B3GALT1: variants seen among roughly 807,000 people sequenced by gnomAD.
B3GALT1 encodes beta-1,3-galactosyltransferase 1, also known as UDP-Gal:betaGlcNAc beta 1,3-galactosyltransferase, polypeptide 1.
B3GALT1 carries 10 observed loss-of-function variants against 23.2 expected under a neutral mutation model. That is an observed-to-expected ratio of 0.43 (90% CI 0.27 to 0.73). The LOEUF (loss-of-function observed/expected upper bound fraction) is 0.73, where lower values mean the gene tolerates loss of function less well. B3GALT1 is among the 30% of genes least tolerant of loss of function. B3GALT1 has a pLI of 0.21. For synonymous variants in B3GALT1, 156 were observed against 141.5 expected (o/e 1.10, Z -0.73); for missense variants, 299 against 405.4 (o/e 0.74, Z 2.25).
chr2:167,706,304 C>G (rs1457333955), intron 3 of B3GALT1, among the ~76,000 whole-genome samples: 1 of 152,124 alleles, frequency 6.6e-6, no homozygotes, highest in East Asian at 1.9e-4. Flanking sequence ...GGATGATGTA[C>G]CTTGATTAAT....
intron 1 of B3GALT1, among the ~76,000 whole-genome samples, chr2:167,415,437 C>T (rs777149713): frequency 6.6e-6 from 1 of 152,100 alleles, no homozygotes; most frequent in African/African-American, 2.4e-5. Flanking sequence ...TCATAAATTA[C>T]CCAGTTTCAA....
chr2:167,531,284 T>C (rs1683322426), intron 2 of B3GALT1, among the ~76,000 whole-genome samples: 1 of 152,108 alleles, frequency 6.6e-6, no homozygotes, highest in African/African-American at 2.4e-5. Flanking sequence ...GAGGGTGGAT[T>C]GGGGTGGAGT....
chr2:167,468,329 C>T (rs1011344682), intron 1 of B3GALT1, among the ~76,000 whole-genome samples: 3 of 151,934 alleles, frequency 2.0e-5, no homozygotes, highest in Non-Finnish European at 4.4e-5. Flanking sequence ...TACTCTTTCT[C>T]GTAACATAAA....
intron 3 of B3GALT1, among the ~76,000 whole-genome samples, chr2:167,650,748 T>A (rs1685848394): frequency 1.3e-5 from 2 of 152,128 alleles, no homozygotes; most frequent in South Asian, 4.1e-4. Context: ...TTTAGTAGCT[T>A]CTGTACTTCC....
intron 3 of B3GALT1, among the ~76,000 whole-genome samples, chr2:167,793,808 T>C (rs1481405647): frequency 2.6e-5 from 4 of 152,226 alleles, no homozygotes; most frequent in Non-Finnish European, 5.9e-5. Context: ...TGGACATTCA[T>C]TTGCCTTTTG....
chr2:167,742,230 T>C (rs1263205689), intron 3 of B3GALT1, among the ~76,000 whole-genome samples: 1 of 152,194 alleles, frequency 6.6e-6, no homozygotes, highest in African/African-American at 2.4e-5. Flanking sequence ...TCTTTATCCA[T>C]TGTAGTATGA....
intron 2 of B3GALT1, among the ~76,000 whole-genome samples, chr2:167,546,708 T>C (rs1360929816): frequency 6.6e-6 from 1 of 152,216 alleles, no homozygotes; most frequent in Non-Finnish European, 1.5e-5. Context: ...ATAAGGTTTC[T>C]GCTTAATGTG....
intron 3 of B3GALT1, among the ~76,000 whole-genome samples, chr2:167,809,642 G>A (rs1420601073): frequency 6.6e-6 from 1 of 152,188 alleles, no homozygotes; most frequent in African/African-American, 2.4e-5. Context: ...CGTTCCTCTG[G>A]AAGTTTTGTC....
intron 2 of B3GALT1, among the ~76,000 whole-genome samples, chr2:167,562,875 C>T (rs1294651652): frequency 6.6e-6 from 1 of 151,960 alleles, no homozygotes; most frequent in African/African-American, 2.4e-5. Context: ...TGCCTTCAAG[C>T]ATCTGTTTAA....
chr2:167,522,005 T>TATAC (rs1184882586), intron 2 of B3GALT1, among the ~76,000 whole-genome samples: 59 of 144,956 alleles, frequency 4.1e-4, no homozygotes, highest in African/African-American at 1.1e-3. Flanking sequence ...TATATATATA[T>TATAC]ACACATATAT....
chr2:167,337,389 C>T (rs540495274), intron 1 of B3GALT1, among the ~76,000 whole-genome samples: 43 of 152,124 alleles, frequency 2.8e-4, no homozygotes, highest in South Asian at 2.7e-3. Flanking sequence ...CACATGCACA[C>T]GCACACACAC....
At chr2:167,545,428 G>T (rs10201096) in intron 2 of B3GALT1, among the ~76,000 whole-genome samples, 50 of 152,118 alleles carry the variant, frequency 3.3e-4, no homozygotes, top group African/African-American at 1.2e-3. Context: ...CCTCTTGTGG[G>T]TTGGTGGGCC....
chr2:167,674,713 C>T (rs1030572527), intron 3 of B3GALT1, among the ~76,000 whole-genome samples: 1 of 152,070 alleles, frequency 6.6e-6, no homozygotes, highest in Non-Finnish European at 1.5e-5. Flanking sequence ...AAGTCAAAGA[C>T]ATGAAGGACC....
intron 2 of B3GALT1, among the ~76,000 whole-genome samples, chr2:167,584,972 T>G (rs1455373536): frequency 6.6e-6 from 1 of 152,150 alleles, no homozygotes; most frequent in Non-Finnish European, 1.5e-5. Flanking sequence ...CTTAACCTTT[T>G]GCCCCCCGTC....
chr2:167,670,948 A>G (rs1341956582), intron 3 of B3GALT1, among the ~76,000 whole-genome samples: 2 of 152,262 alleles, frequency 1.3e-5, no homozygotes, highest in East Asian at 3.9e-4. Flanking sequence ...AGAGGAAGAG[A>G]GAGAGAGAAA....
At chr2:167,427,271 A>G (rs1226579783) in intron 1 of B3GALT1, among the ~76,000 whole-genome samples, 1 of 152,182 alleles carries the variant, frequency 6.6e-6, no homozygotes, top group Non-Finnish European at 1.5e-5. Context: ...GGAGGTATAC[A>G]TAGGGTGAGG....
chr2:167,794,977 T>G (rs1688517417), intron 3 of B3GALT1, among the ~76,000 whole-genome samples: 1 of 152,182 alleles, frequency 6.6e-6, no homozygotes, highest in African/African-American at 2.4e-5. Context: ...AAAATACATT[T>G]CATAGCCTCA....
intron 2 of B3GALT1, among the ~76,000 whole-genome samples, chr2:167,564,327 C>G (rs1235912253): frequency 1.3e-5 from 2 of 149,572 alleles, no homozygotes; most frequent in Admixed American, 6.6e-5. Flanking sequence ...GAGGCGCTCC[C>G]CACCTCCTAG....
At chr2:167,406,327 C>T (rs904331784) in intron 1 of B3GALT1, among the ~76,000 whole-genome samples, 7 of 152,050 alleles carry the variant, frequency 4.6e-5, no homozygotes, top group African/African-American at 7.2e-5. Context: ...ATTCACTCCC[C>T]ACCACAGAAA....
Sources: allele counts gnomAD v4.1 joint callset (sites outside exome capture counted in the v4.1 genomes callset), GRCh38; gene constraint gnomAD v4.1.1; transcripts MANE v1.5; gene names NCBI Gene and HGNC (gene_info 2026-07-23, HGNC 2026-07-21).